Variants in PTPRG observed in about 807,000 individuals in gnomAD.
The protein encoded by PTPRG is protein tyrosine phosphatase receptor type G, also known as receptor-type tyrosine-protein phosphatase gamma.
In PTPRG, 102 loss-of-function variants were observed where a neutral mutation model predicts 165.3. The ratio of observed to expected loss-of-function variants is 0.62; its 90% CI spans 0.53 to 0.73. The LOEUF (loss-of-function observed/expected upper bound fraction) is 0.73, where lower values mean the gene tolerates loss of function less well. Among genes scored for constraint, PTPRG ranks in the 30% least tolerant of loss-of-function variants. The pLI, the probability that PTPRG is intolerant of heterozygous loss-of-function variation, is 0.00. For synonymous variants in PTPRG, 675 were observed against 669.5 expected (o/e 1.01, Z -0.13); for missense variants, 1,866 against 1,861.4 (o/e 1.00, Z -0.05).
chr3:61,668,020 C>T (rs1212318164), intron 1 of PTPRG, among the ~76,000 whole-genome samples: 7 of 152,168 alleles, frequency 4.6e-5, no homozygotes, highest in African/African-American at 7.2e-5. Context: ...TTGTCTATGG[C>T]TGTTTTCTTG....
intron 4 of PTPRG, among the ~76,000 whole-genome samples, chr3:62,022,951 G>T (rs1317778700): frequency 6.6e-6 from 1 of 151,800 alleles, no homozygotes; most frequent in African/African-American, 2.4e-5. Context: ...TTTAAAATTT[G>T]TTCTTCAATT....
At chr3:62,209,171 G>A (rs1019315387) in intron 12 of PTPRG, among the ~76,000 whole-genome samples, 1 of 152,186 alleles carries the variant, frequency 6.6e-6, no homozygotes, top group Non-Finnish European at 1.5e-5. Context: ...AGGGAATTCT[G>A]TCCTTCTCCC....
chr3:61,733,759 TA>T (rs1338466632), intron 1 of PTPRG, among the ~76,000 whole-genome samples: 34 of 152,216 alleles, frequency 2.2e-4, no homozygotes, highest in Admixed American at 6.5e-5. Flanking sequence ...CTGTTCCTTC[TA>T]CTGTTTCATC....
rs371892874 is a variant in PTPRG at position 61,615,018 on chromosome 3, GA to G, written c.85+52652del. ...CACCCGTTATAGTTTTAAAAAGATG[GA>G]AAAAATTGTAACAACATAAAAGAAC... On this transcript the variant is annotated intron_variant, in intron 1 of 29. Transcript: ENST00000474889. Among the ~76,000 whole-genome samples the G allele has an allele frequency of 2.8e-4, 43 of 152,222 alleles. No homozygotes were observed. In the Middle Eastern group the frequency reaches 0.017, roughly 60 times the overall value.
intron 2 of PTPRG, among the ~76,000 whole-genome samples, chr3:61,800,948 A>G (rs1255230636): frequency 6.6e-6 from 1 of 152,036 alleles, no homozygotes; most frequent in Non-Finnish European, 1.5e-5. Flanking sequence ...TCCGGCCAGA[A>G]CTCTGCACAG....
At chr3:61,569,292 G>T (rs1367423833) in intron 1 of PTPRG, among the ~76,000 whole-genome samples, 1 of 152,126 alleles carries the variant, frequency 6.6e-6, no homozygotes, top group East Asian at 1.9e-4. Flanking sequence ...ATTGCTAGCC[G>T]TGCTACCTTA....
chr3:61,584,300 T>C (rs1284730565), intron 1 of PTPRG, among the ~76,000 whole-genome samples: 1 of 152,194 alleles, frequency 6.6e-6, no homozygotes, highest in African/African-American at 2.4e-5. Flanking sequence ...GAGGATGAGA[T>C]GAATGCTGAG....
At chr3:61,591,798 T>C (rs1364001430) in intron 1 of PTPRG, among the ~76,000 whole-genome samples, 1 of 152,102 alleles carries the variant, frequency 6.6e-6, no homozygotes, top group East Asian at 1.9e-4. Context: ...GACAAGGGCT[T>C]TGGAACTGGT....
intron 12 of PTPRG, among the ~76,000 whole-genome samples, chr3:62,207,785 T>C (rs1700265374): frequency 1.3e-5 from 2 of 152,172 alleles, no homozygotes; most frequent in African/African-American, 4.8e-5. Context: ...AATCCTTCTA[T>C]AGAAGAAGTG....
At chr3:61,581,672 C>T (rs1163282310) in intron 1 of PTPRG, among the ~76,000 whole-genome samples, 1 of 147,982 alleles carries the variant, frequency 6.8e-6, no homozygotes, top group African/African-American at 2.5e-5. Context: ...CGCAGTGGCA[C>T]AATCTCGGCT....
intron 2 of PTPRG, chr3:61,769,612 A>T (rs2034144264): frequency 6.6e-6 from 1 of 152,204 alleles, no homozygotes; most frequent in African/African-American, 2.4e-5. Context: ...ACCCCCCAAG[A>T]ACTGAATTTT....
At chr3:61,881,627 A>G (rs1319065795) in intron 2 of PTPRG, among the ~76,000 whole-genome samples, 1 of 152,216 alleles carries the variant, frequency 6.6e-6, no homozygotes, top group Non-Finnish European at 1.5e-5. Flanking sequence ...AAAAGCTTCT[A>G]TGAAGTTGAC....
chr3:62,112,886 G>T (rs1262239644), intron 5 of PTPRG, among the ~76,000 whole-genome samples: 1 of 152,186 alleles, frequency 6.6e-6, no homozygotes, highest in Non-Finnish European at 1.5e-5. Context: ...GTCCATGATT[G>T]ACTCTTCTTC....
intron 1 of PTPRG, among the ~76,000 whole-genome samples, chr3:61,645,773 A>T (rs1022262900): frequency 7.2e-5 from 11 of 152,214 alleles, no homozygotes; most frequent in Admixed American, 4.6e-4. Context: ...ATGAGCATGG[A>T]TGTGTTCCAG....
chr3:61,564,351 T>G (rs1257391442), intron 1 of PTPRG, among the ~76,000 whole-genome samples: 1 of 152,146 alleles, frequency 6.6e-6, no homozygotes, highest in African/African-American at 2.4e-5. Context: ...TCTGTCCTTC[T>G]TGCGCTCGGG....
chr3:62,272,474 A>C (rs1476444144), intron 21 of PTPRG, among the ~76,000 whole-genome samples: 1 of 152,098 alleles, frequency 6.6e-6, no homozygotes, highest in Non-Finnish European at 1.5e-5. Context: ...AAACTTTGGT[A>C]CTCAAATACA....
intron 12 of PTPRG, among the ~76,000 whole-genome samples, chr3:62,216,732 T>A (rs895964982): frequency 6.6e-6 from 1 of 152,228 alleles, no homozygotes; most frequent in Non-Finnish European, 1.5e-5. Context: ...CAGTAGTTTC[T>A]ACTGCTCTTA....
In PTPRG at chr3:62,255,240, C is replaced by T. The variant is rs1210208391; in HGVS notation, c.2559+25C>T. On this transcript the variant is annotated intron_variant, in intron 16 of 29. Transcript: ENST00000474889. The surrounding 1 kb of genome is among the most constrained non-coding windows in gnomAD (Gnocchi z 4.0). ...GGTATGTTTCAAGGCTGGAAGTTAA[C>T]TTCCAGAAACCTAAGTCTTACTTTA... The T allele has an allele frequency of 6.4e-7, 1 of 1,565,248 alleles. No individual in the cohort carries two copies. The highest frequency in any genetic ancestry group is 2.3e-5 in the East Asian group (1 of 44,110).
intron 1 of PTPRG, among the ~76,000 whole-genome samples, chr3:61,569,649 A>T (rs1446917595): frequency 1.3e-5 from 2 of 152,188 alleles, no homozygotes; most frequent in Middle Eastern, 3.4e-3. Context: ...AGAGATTTGG[A>T]TAGGAGTGTA....
Sources: gnomAD v4.1 joint callset for allele counts (sites outside exome capture counted in the v4.1 genomes callset) on GRCh38, gnomAD v4.1.1 for gene constraint, Gnocchi (gnomAD v3.1) non-coding constraint, MANE v1.5 for transcripts, NCBI Gene and HGNC (gene_info 2026-07-23, HGNC 2026-07-21) for gene names.